The following UBAP2L variants were observed in gnomAD, a reference collection of about 807,000 sequenced individuals.
UBAP2L encodes the protein ubiquitin-associated protein 2-like.
UBAP2L carries 12 observed loss-of-function variants against 130.6 expected under a neutral mutation model. That is an observed-to-expected ratio of 0.09 (90% CI 0.06 to 0.15). The LOEUF is 0.15. UBAP2L is among the 10% of genes least tolerant of loss of function. The pLI is 1.00. For synonymous variants in UBAP2L, 503 were observed against 524.7 expected (o/e 0.96, Z 0.57); for missense variants, 965 against 1,332.5 (o/e 0.72, Z 4.29).
rs1477975628 is a variant in UBAP2L, at chr1:154,249,146, C to G, written c.1015-93C>G. ...TGACAGTATTCTTTACTTGCCTGAT[C>G]TATACTGGCTCTCGGTCTGGATAAG... On this transcript the variant is annotated intron_variant, in intron 11 of 26. Coordinates refer to ENST00000428931, the MANE Select transcript of UBAP2L (RefSeq NM_014847.4). The G allele has an allele frequency of 8.2e-6, 10 of 1,224,362 alleles. No homozygotes were observed. The Admixed American group carries it at 1.2e-4, about 15-fold the overall frequency. 75.8% of individuals were successfully genotyped at this position (1,224,362 alleles called of 1,614,324 possible).
intron 24 of UBAP2L, among the ~76,000 whole-genome samples, chr1:154,264,324 G>A (rs1268704060): frequency 6.6e-6 from 1 of 152,150 alleles, no homozygotes; most frequent in Non-Finnish European, 1.5e-5. Flanking sequence ...AGATTCATGT[G>A]TCTCTGCCCT....
At chr1:154,254,795 TTGTC>T (rs1001515550) in intron 15 of UBAP2L, 37 bp from the exon 16 acceptor site, 25 of 1,585,444 alleles carry the variant, frequency 1.6e-5, no homozygotes, top group Non-Finnish European at 2.1e-5. Flanking sequence ...TCACATGAGT[TTGTC>T]TGTTTCTTGC....
chr1:154,245,927 A>AAC (rs1007080705), intron 10 of UBAP2L, among the ~76,000 whole-genome samples: 6 of 152,116 alleles, frequency 3.9e-5, no homozygotes, highest in African/African-American at 7.2e-5. Context: ...CAAACAAACA[A>AAC]ACAAAAACTA....
chr1:154,243,850 G>T (rs1674419995), intron 10 of UBAP2L, among the ~76,000 whole-genome samples: 1 of 152,180 alleles, frequency 6.6e-6, no homozygotes, highest in South Asian at 2.1e-4. Flanking sequence ...CCTGCAAATA[G>T]CACTTTAATT....
upstream of UBAP2L, chr1:154,220,340 A>C: frequency 6.2e-7 from 1 of 1,614,130 alleles, no homozygotes; most frequent in South Asian, 1.1e-5. Flanking sequence ...TAATCTCCTC[A>C]CCAGGCTCCC....
chr1:154,222,568 GTACTCT>G (rs1332452385), intron 1 of UBAP2L, among the ~76,000 whole-genome samples: 1 of 152,170 alleles, frequency 6.6e-6, no homozygotes, highest in East Asian at 1.9e-4. Context: ...TAACTGGGAA[GTACTCT>G]TACTAACTAG....
chr1:154,251,207 C>T lies in UBAP2L; in HGVS notation c.1380C>T (p.Ser460=), dbSNP rs551182736. Residue 460 remains serine (S), a synonymous_variant, in exon 13 of 27, where the codon TCC becomes TCT. Coordinates refer to ENST00000428931, the MANE Select transcript of UBAP2L (RefSeq NM_014847.4). ...PPPSSPLPSK[S]TSAPQMSPGS... ...CGTCTTCTCCTCTGCCAAGCAAATC[C>T]ACATCGGCTCCACAGATGTCGCCTG... 6.2e-7 allele frequency: 1 copy of T among 1,614,146 alleles called. No individual in the cohort carries two copies. Among genetic ancestry groups the T allele is most frequent in the South Asian group, 1.1e-5 (1 of 91,092 alleles).
chr1:154,248,102 G>C (rs1370447178), intron 11 of UBAP2L, among the ~76,000 whole-genome samples: 2 of 151,950 alleles, frequency 1.3e-5, no homozygotes, highest in African/African-American at 4.8e-5. Context: ...TGAGTAGCTG[G>C]GGTTACAGGC....
In UBAP2L at chr1:154,255,692, T is replaced by A. The variant is rs376742903; in HGVS notation, c.2094T>A (p.Ser698=). 17 of 1,614,102 alleles carry A rather than the reference T, an allele frequency of 1.1e-5. No individual in the cohort carries two copies. The highest frequency in any genetic ancestry group is 1.4e-5 in the Non-Finnish European group (17 of 1,180,046). ...TCTTTTTTTCTGACAGCACGTTATC[T>A]ACGCAGCAGAATACCCTTTCATCAT... is the stretch of plus-strand genomic sequence containing the variant. ...TTTTQHSSTL[S]TQQNTLSSST... The change falls in exon 18 of 27, where the codon TCT becomes TCA. Residue 698 remains serine, a synonymous_variant. Transcript: ENST00000428931.
intron 8 of UBAP2L, among the ~76,000 whole-genome samples, chr1:154,240,935 T>TA (rs1558156606): frequency 1.2e-5 from 1 of 80,740 alleles, no homozygotes; most frequent in African/African-American, 4.3e-5. Context: ...TGTCTGTCTG[T>TA]CCCCCCCCCC....
chr1:154,229,464 C>T (rs1236923092), intron 4 of UBAP2L, among the ~76,000 whole-genome samples: 1 of 151,860 alleles, frequency 6.6e-6, no homozygotes, highest in East Asian at 1.9e-4. Flanking sequence ...TTTTAATGAG[C>T]AGTGTATTAT....
rs897196488 is a variant in UBAP2L, at chr1:154,260,098, T to G, written c.2578+69T>G. ...TTGGGATTGATGGCAGACACCTGAT[T>G]GGTAGCAAGAAGGGATGTGATAAAT... On this transcript the variant is annotated intron_variant, in intron 22 of 26. Transcript: ENST00000428931. 8.0e-6 allele frequency: 12 copies of G among 1,498,896 alleles called. No individual in the cohort carries two copies. The Admixed American group carries it at 2.0e-4, about 25-fold the overall frequency. 92.8% of individuals were successfully genotyped at this position (1,498,896 alleles called of 1,614,324 possible). A position where few individuals can be genotyped will look rare whatever the true frequency, so the allele number is the denominator to read the frequency against.
chr1:154,245,780 CG>C (rs1194923553), intron 10 of UBAP2L, among the ~76,000 whole-genome samples: 1 of 151,880 alleles, frequency 6.6e-6, no homozygotes, highest in East Asian at 1.9e-4. Context: ...ATTAGCCGGG[CG>C]TGGTGGCAGG....
intron 11 of UBAP2L, among the ~76,000 whole-genome samples, chr1:154,249,022 TA>T (rs1676606104): frequency 6.6e-6 from 1 of 152,132 alleles, no homozygotes; most frequent in Admixed American, 6.5e-5. Flanking sequence ...AAAGAGAGAT[TA>T]AAAAATAGTT....
chr1:154,261,174 G>C (rs1454487247), intron 23 of UBAP2L, 65 bp downstream of exon 23: 1 of 1,505,878 alleles, frequency 6.6e-7, no homozygotes, highest in African/African-American at 1.4e-5. Context: ...TATCCTAGCT[G>C]CTTTTAAGGG....
intron 8 of UBAP2L, among the ~76,000 whole-genome samples, chr1:154,238,674 G>A (rs1047685603): frequency 6.6e-6 from 1 of 152,126 alleles, no homozygotes; most frequent in African/African-American, 2.4e-5. Context: ...CGCCACTATC[G>A]TCTTGTTAGT....
At chr1:154,250,422 T>G (rs966197851) in intron 12 of UBAP2L, among the ~76,000 whole-genome samples, 1 of 152,176 alleles carries the variant, frequency 6.6e-6, no homozygotes, top group African/African-American at 2.4e-5. Context: ...AGATATGCCA[T>G]GCCTTGTTTT....
In UBAP2L at chr1:154,257,428, C is replaced by T; in HGVS notation, c.2436C>T (p.Ala812=). Residue 812 remains alanine, a synonymous_variant, in exon 20 of 27, where the codon GCC becomes GCT. Transcript: ENST00000428931. ...PYIMAPGLLH[A]YPPQVYGYDD... ...TTATGGCTCCAGGGCTGTTACATGC[C>T]TACCCGGTAAGTGGGACTAAAGGAT... The T allele has an allele frequency of 6.2e-7, 1 of 1,612,620 alleles. No homozygotes were observed. Among genetic ancestry groups the T allele is most frequent in the Non-Finnish European group, 8.5e-7 (1 of 1,180,012 alleles).
At position 154,228,732 on chromosome 1, in the gene UBAP2L, T is replaced by C; in HGVS notation, c.279+7T>C. ...GGAAGGAAACCCAGACACGGTAGAGTGCTTATAGAGTGTTCTAGGACATGG... is the reference window on the plus strand; with the variant it reads ...GGAAGGAAACCCAGACACGGTAGAGCGCTTATAGAGTGTTCTAGGACATGG... On this transcript the variant is annotated splice_region_variant and intron_variant, in intron 4 of 26. Transcript: ENST00000428931. The C allele has an allele frequency of 6.2e-7, 1 of 1,604,220 alleles. No homozygotes were observed. Among genetic ancestry groups the C allele is most frequent in the Non-Finnish European group, 8.5e-7 (1 of 1,175,424 alleles).
Sources: allele counts gnomAD v4.1 joint callset (sites outside exome capture counted in the v4.1 genomes callset), GRCh38; gene constraint gnomAD v4.1.1; transcripts MANE v1.5; gene names NCBI Gene and HGNC (gene_info 2026-07-23, HGNC 2026-07-21).